Variants in DTWD2 observed in about 807,000 individuals in gnomAD.
The protein encoded by DTWD2 is tRNA-uridine aminocarboxypropyltransferase 2.
DTWD2 carries 39 observed loss-of-function variants against 31.8 expected under a neutral mutation model. The ratio of observed to expected loss-of-function variants is 1.22; its 90% confidence interval spans 0.95 to 1.60. The LOEUF (loss-of-function observed/expected upper bound fraction) is 1.60. Ranked by LOEUF, DTWD2 falls within the 40% of genes most tolerant of loss-of-function variation. The pLI, the probability that DTWD2 is intolerant of heterozygous loss-of-function variation, is 0.00. For synonymous variants in DTWD2, 180 were observed against 142.8 expected, an observed-to-expected ratio of 1.26 and a Z score of -1.86; for missense variants, 515 against 381.5, an observed-to-expected ratio of 1.35 and a Z score of -2.92.
intron 1 of DTWD2, among the ~76,000 whole-genome samples, chr5:118,984,651 G>C (rs993947019): frequency 6.6e-6 from 1 of 152,128 alleles, no homozygotes; most frequent in South Asian, 2.1e-4. Context: ...ACACTGGAGA[G>C]ACAAAAACTT....
intron 4 of DTWD2, among the ~76,000 whole-genome samples, chr5:118,877,468 T>C (rs1394254162): frequency 6.6e-6 from 1 of 151,024 alleles, no homozygotes; most frequent in African/African-American, 2.4e-5. Flanking sequence ...CAAGACTCCG[T>C]CTCAAAAATA....
At chr5:118,926,727 CAG>C (rs1480218836) in intron 4 of DTWD2, among the ~76,000 whole-genome samples, 1 of 151,408 alleles carries the variant, frequency 6.6e-6, no homozygotes, top group Non-Finnish European at 1.5e-5. Flanking sequence ...TTTTTGGAGA[CAG>C]GGTCTCTCTC....
At chr5:118,877,599 A>C (rs1752650505) in intron 4 of DTWD2, among the ~76,000 whole-genome samples, 1 of 152,228 alleles carries the variant, frequency 6.6e-6, no homozygotes, top group South Asian at 2.1e-4. Context: ...TGGGCAAAAG[A>C]GGGAAGTATA....
chr5:118,984,602 G>T (rs896896298), intron 1 of DTWD2, among the ~76,000 whole-genome samples: 1 of 152,180 alleles, frequency 6.6e-6, no homozygotes, highest in Non-Finnish European at 1.5e-5. Context: ...TAGATATGGT[G>T]TATTATAATT....
At chr5:118,930,755 T>C (rs1442890238) in intron 3 of DTWD2, among the ~76,000 whole-genome samples, 3 of 152,134 alleles carry the variant, frequency 2.0e-5, no homozygotes, top group Non-Finnish European at 2.9e-5. Context: ...TCCAAATATA[T>C]TATTTCATTT....
Position 118,848,152 on chromosome 5 carries a change from A to T in DTWD2, c.664T>A (p.Ser222Thr). The T allele has an allele frequency of 6.2e-7, 1 of 1,608,354 alleles. No individual in the cohort carries two copies. Among genetic ancestry groups the T allele is most frequent in the Non-Finnish European group, 8.5e-7 (1 of 1,177,442 alleles). The part of the protein sequence containing the change: ...IRMQPTNRCL[S>T]TLECAAVALS... The stretch of plus-strand genomic sequence containing the variant: ...GCAACAGCTGCACACTCCAGTGTAG[A>T]AAGGCATCTATTAGTCGGCTGCATC... The change falls in exon 5 of 6, where the codon TCT (serine) becomes ACT (threonine). Residue 222 changes from serine to threonine, a missense_variant. Transcript: ENST00000510708.
Position 118,900,508 on chromosome 5 carries a change from T to C in DTWD2, c.597+28029A>G, listed in dbSNP as rs114653953. Among the ~76,000 whole-genome samples the C allele has an allele frequency of 9.3e-3, 1,413 of 152,254 alleles. 17 individuals are homozygous for C. Among genetic ancestry groups the C allele is most frequent in the Non-Finnish European group, 0.01 (696 of 68,022 alleles). ...GCTAAATAAAGAAGCACTCATTTTA[T>C]AGAAAAAAATGTATCTAAAACTATA... On this transcript the variant is annotated intron_variant, in intron 4 of 5. Coordinates refer to ENST00000510708, the MANE Select transcript of DTWD2 (RefSeq NM_173666.4).
chr5:118,966,077 T>A (rs574080322), intron 1 of DTWD2, among the ~76,000 whole-genome samples: 8 of 152,106 alleles, frequency 5.3e-5, no homozygotes, highest in African/African-American at 1.2e-4. Flanking sequence ...GAGAAACTCA[T>A]AAAGATATCA....
At chr5:118,898,757 A>G (rs1753140330) in intron 4 of DTWD2, among the ~76,000 whole-genome samples, 1 of 152,184 alleles carries the variant, frequency 6.6e-6, no homozygotes, top group South Asian at 2.1e-4. Context: ...TGGTACAAAA[A>G]AATTACAAAA....
chr5:118,841,186 A>C, intron 5 of DTWD2, 99 bp from the exon 6 acceptor site: 2 of 1,376,150 alleles, frequency 1.5e-6, no homozygotes, highest in Non-Finnish European at 2.0e-6. Flanking sequence ...TGTTTCTTTT[A>C]TTATGATTGG....
chr5:118,918,266 G>A lies in DTWD2; in HGVS notation c.597+10271C>T, dbSNP rs1379212558. 2.6e-5 allele frequency among the ~76,000 whole-genome samples: 4 copies of A among 152,060 alleles called. No homozygotes were observed. The East Asian group carries it at 5.8e-4, about 22-fold the overall frequency. The stretch of plus-strand genomic sequence containing the variant: ...GAAAACGTTTGGAAAATAAAAGAAG[G>A]TAAGAAACATCAAATGGACAATCTG... On this transcript the variant is annotated intron_variant, in intron 4 of 5. Transcript: ENST00000510708.
intron 1 of DTWD2, among the ~76,000 whole-genome samples, chr5:118,987,751 C>A (rs1231636663): frequency 6.6e-6 from 1 of 152,160 alleles, no homozygotes; most frequent in East Asian, 1.9e-4. Flanking sequence ...AAGGTCTGAG[C>A]TAGACACACT....
intron 2 of DTWD2, among the ~76,000 whole-genome samples, chr5:118,943,875 C>T (rs1288329299): frequency 2.0e-5 from 3 of 152,174 alleles, no homozygotes; most frequent in Non-Finnish European, 4.4e-5. Context: ...AGCTTGACTG[C>T]GTCTATGATG....
At chr5:118,926,103 G>A (rs1317283759) in intron 4 of DTWD2, among the ~76,000 whole-genome samples, 1 of 152,118 alleles carries the variant, frequency 6.6e-6, no homozygotes, top group Non-Finnish European at 1.5e-5. Flanking sequence ...GCGCAGGCAT[G>A]TTTATAGCAG....
At chr5:118,843,102 G>A (rs1259712279) in intron 5 of DTWD2, among the ~76,000 whole-genome samples, 6 of 151,726 alleles carry the variant, frequency 4.0e-5, no homozygotes, top group African/African-American at 1.2e-4. Flanking sequence ...GACTATAGGT[G>A]CATGCCACCA....
chr5:118,897,814 T>C (rs746585616), intron 4 of DTWD2, among the ~76,000 whole-genome samples: 31 of 152,242 alleles, frequency 2.0e-4, no homozygotes, highest in Admixed American at 1.3e-4. Context: ...AATATTATTT[T>C]TGAAACAGGT....
chr5:118,949,541 A>T (rs1330715119), intron 1 of DTWD2, among the ~76,000 whole-genome samples: 1 of 152,108 alleles, frequency 6.6e-6, no homozygotes, highest in Non-Finnish European at 1.5e-5. Context: ...AAAATGGGAG[A>T]ATTGTAAGGA....
chr5:118,845,988 G>A lies in DTWD2; in HGVS notation c.726+2102C>T, dbSNP rs191205074. Among the ~76,000 whole-genome samples the A allele has an allele frequency of 9.0e-4, 137 of 152,232 alleles. 3 individuals are homozygous for A. Among genetic ancestry groups the A allele is most frequent in the Admixed American group, 8.6e-3 (132 of 15,280 alleles). Reference sequence around the variant, plus strand: ...AGTAATGAAAGAATGAAAAAATGCTGATGGAGAAGAGGCCCTAAAACAACG... The same window carrying A: ...AGTAATGAAAGAATGAAAAAATGCTAATGGAGAAGAGGCCCTAAAACAACG... On this transcript the variant is annotated intron_variant, in intron 5 of 5. Coordinates refer to ENST00000510708, the MANE Select transcript of DTWD2 (RefSeq NM_173666.4).
chr5:118,944,649 G>C lies in DTWD2; in HGVS notation c.219C>G (p.Ser73Arg). 1 of 1,610,750 alleles carries C rather than the reference G, an allele frequency of 6.2e-7. No homozygotes were observed. Among genetic ancestry groups the C allele is most frequent in the Non-Finnish European group, 8.5e-7 (1 of 1,178,984 alleles). ...GACACAAACACACTTTCTGAGGCCG[G>C]CTAAAGGGTAAAAAGAAAAATAAAA... ...AERRPECTRC[S>R]RPQKVCLCPF... The change falls in exon 2 of 6, where the codon AGC becomes AGG. Residue 73 changes from serine (S) to arginine (R), a missense_variant and splice_region_variant. Ser to Arg is a moderately radical substitution (Grantham distance 110). Transcript: ENST00000510708.
Sources: gnomAD v4.1 joint callset for allele counts (sites outside exome capture counted in the v4.1 genomes callset) on GRCh38, gnomAD v4.1.1 for gene constraint, MANE v1.5 for transcripts, NCBI Gene and HGNC (gene_info 2026-07-23, HGNC 2026-07-21) for gene names.